PCDHB11: variants seen among roughly 807,000 people sequenced by gnomAD.
PCDHB11 encodes the protein protocadherin beta 11.
For synonymous variants in PCDHB11, 522 were observed against 442.0 expected, an observed-to-expected ratio of 1.18 and a Z score of -2.27; for missense variants, 1,151 against 1,003.4, an observed-to-expected ratio of 1.15 and a Z score of -1.99.
Position 141,200,421 on chromosome 5 carries a change from A to T in PCDHB11, c.647A>T (p.Asp216Val). 1 of 1,614,096 alleles carries T rather than the reference A, an allele frequency of 6.2e-7. No homozygotes were observed. The highest frequency in any genetic ancestry group is 8.5e-7 in the Non-Finnish European group (1 of 1,180,008). Residue 216 changes from aspartate (D) to valine (V), a missense_variant, in exon 1 of 1, where the codon GAT becomes GTT. By Grantham distance (152) the Asp-to-Val change is radical (BLOSUM62 -3). Coordinates refer to ENST00000354757, the MANE Select transcript of PCDHB11 (RefSeq NM_018931.3). ...CTCAGTTTCATCCTCTCTGCTCTGG[A>T]TGGTGGGTCCCCTCCCAGGTCTGGA... is the stretch of plus-strand genomic sequence containing the variant. ...PELSFILSAL[D>V]GGSPPRSGTA...
At position 141,199,726 on chromosome 5, in the gene PCDHB11, G is replaced by C; in HGVS notation, c.-49G>C. On this transcript the variant is annotated 5_prime_UTR_variant, in exon 1 of 1. Transcript: ENST00000354757. ...GATTTGGTGGACAAGTCAGAGACGC[G>C]TTCCGCAGAGCTGAAGCCTTTCTTC... 1 of 1,537,654 alleles carries C rather than the reference G, an allele frequency of 6.5e-7. No homozygotes were observed. The highest frequency in any genetic ancestry group is 8.9e-7 in the Non-Finnish European group (1 of 1,126,626).
chr5:141,200,094 A>G lies in PCDHB11; in HGVS notation c.320A>G (p.Gln107Arg). The G allele has an allele frequency of 6.2e-7, 1 of 1,614,200 alleles. No individual in the cohort carries two copies. Among genetic ancestry groups the G allele is most frequent in the South Asian group, 1.1e-5 (1 of 91,074 alleles). Residue 107 changes from glutamine (Q) to arginine (R), a missense_variant, in exon 1 of 1, where the codon CAG becomes CGG. Gln to Arg is a conservative substitution (Grantham distance 43). Transcript: ENST00000354757. ...GSIEPCVLHL[Q>R]VLMQNPTQFL... Reference sequence around the variant, plus strand: ...ATCGAGCCTTGCGTGCTACATTTGCAGGTGTTAATGCAAAACCCCACGCAG... The same window carrying G: ...ATCGAGCCTTGCGTGCTACATTTGCGGGTGTTAATGCAAAACCCCACGCAG...
rs1554285507 is a variant in PCDHB11 at position 141,201,140 on chromosome 5, T to C, written c.1366T>C (p.Tyr456His). ...CGCCCCCACCTTCACCCAAACCTCCTACACCCTGTTCGTCCGCGAGAACAA... is the reference window on the plus strand; with the variant it reads ...CGCCCCCACCTTCACCCAAACCTCCCACACCCTGTTCGTCCGCGAGAACAA... ...DNAPTFTQTS[Y>H]TLFVRENNSP... Residue 456 changes from tyrosine to histidine, a missense_variant, in exon 1 of 1, where the codon TAC becomes CAC. Tyr to His is a moderately conservative substitution (Grantham distance 83). Coordinates refer to ENST00000354757, the MANE Select transcript of PCDHB11 (RefSeq NM_018931.3). 2 of 1,613,884 alleles carry C rather than the reference T, an allele frequency of 1.2e-6. No individual in the cohort carries two copies. Among genetic ancestry groups the C allele is most frequent in the African/African-American group, 2.7e-5 (2 of 75,016 alleles).
chr5:141,200,720 T>C lies in PCDHB11; in HGVS notation c.946T>C (p.Ser316Pro), dbSNP rs782570614. ...PLDFETIESY[S>P]IIIQATDGGG... ...GGATTTTGAAACGATTGAGTCATACTCAATAATCATTCAAGCCACAGATGG... is the reference window on the plus strand; with the variant it reads ...GGATTTTGAAACGATTGAGTCATACCCAATAATCATTCAAGCCACAGATGG... The change falls in exon 1 of 1, where the codon TCA becomes CCA. Residue 316 changes from serine to proline, a missense_variant. Ser to Pro is a moderately conservative substitution (Grantham distance 74, BLOSUM62 -1). Coordinates refer to ENST00000354757, the MANE Select transcript of PCDHB11 (RefSeq NM_018931.3). The C allele has an allele frequency of 6.2e-7, 1 of 1,614,150 alleles. No homozygotes were observed. Among genetic ancestry groups the C allele is most frequent in the Non-Finnish European group, 8.5e-7 (1 of 1,180,024 alleles).
At position 141,202,322 on chromosome 5, in the gene PCDHB11, CCG is replaced by C; in HGVS notation, c.*155_*156del. On this transcript the variant is annotated 3_prime_UTR_variant, in exon 1 of 1. Transcript: ENST00000354757. The stretch of plus-strand genomic sequence containing the variant: ...CCCAATTTTTTTTTTTTTTTTGAGA[CCG>C]AGTCTCATTCTGTCGCCCTGGCTGG... 1 of 672,280 alleles carries C rather than the reference CCG, an allele frequency of 1.5e-6. No homozygotes were observed. Among genetic ancestry groups the C allele is most frequent in the Non-Finnish European group, 2.3e-6 (1 of 425,952 alleles). 41.6% of individuals were successfully genotyped at this position (672,280 alleles called of 1,614,324 possible).
Position 141,200,202 on chromosome 5 carries a change from C to T in PCDHB11, c.428C>T (p.Pro143Leu), listed in dbSNP as rs781956723. Reference protein sequence around the residue: ...FSEKQMLLEIPENSPVGAVFL... With the variant: ...FSEKQMLLEILENSPVGAVFL... ...GAAAAACAAATGCTCCTAGAAATCC[C>T]AGAGAACAGTCCCGTTGGTGCTGTG... Residue 143 changes from proline to leucine, a missense_variant, in exon 1 of 1, where the codon CCA (proline) becomes CTA (leucine). Pro to Leu is a moderately conservative substitution (Grantham distance 98). Coordinates refer to ENST00000354757, the MANE Select transcript of PCDHB11 (RefSeq NM_018931.3). 2.1e-5 allele frequency: 34 copies of T among 1,614,020 alleles called. No homozygotes were observed. In the Admixed American group the frequency reaches 5.3e-4, roughly 25 times the overall value.
Position 141,201,528 on chromosome 5 carries a change from T to C in PCDHB11, c.1754T>C (p.Leu585Pro), listed in dbSNP as rs782049790. 3.1e-6 allele frequency: 5 copies of C among 1,609,024 alleles called. No individual in the cohort carries two copies. In the South Asian group the frequency reaches 5.5e-5, roughly 18 times the overall value. The change falls in exon 1 of 1, where the codon CTG (leucine) becomes CCG (proline). Residue 585 changes from leucine (L) to proline (P), a missense_variant. Coordinates refer to ENST00000354757, the MANE Select transcript of PCDHB11 (RefSeq NM_018931.3). Reference protein sequence around the residue: ...LVPRAAEPGYLVTKVVAVDGD... With the variant: ...LVPRAAEPGYPVTKVVAVDGD... ...CCCCGGGCGGCCGAGCCGGGCTACC[T>C]GGTGACCAAGGTGGTGGCGGTGGAC...
rs1250849567 is a variant in PCDHB11 at position 141,203,393 on chromosome 5, T to G, written c.*1225T>G. The G allele has an allele frequency of 6.6e-6, 1 of 152,232 alleles. No individual in the cohort carries two copies. The highest frequency in any genetic ancestry group is 1.5e-5 in the Non-Finnish European group (1 of 68,062). 9.4% of individuals were successfully genotyped at this position (152,232 alleles called of 1,614,324 possible). The stretch of plus-strand genomic sequence containing the variant: ...CCGTGCCCAGGCTCCCCTAGTATTT[T>G]TCACTGTCTGCATCCTATGATCCTA... On this transcript the variant is annotated 3_prime_UTR_variant, in exon 1 of 1. Coordinates refer to ENST00000354757, the MANE Select transcript of PCDHB11 (RefSeq NM_018931.3).
rs1554285284 is a variant in PCDHB11 at position 141,200,447 on chromosome 5, A to G, written c.673A>G (p.Thr225Ala). Residue 225 changes from threonine to alanine, a missense_variant, in exon 1 of 1, where the codon ACT (threonine) becomes GCT (alanine). By Grantham distance (58) the Thr-to-Ala change is moderately conservative. Transcript: ENST00000354757. ...LDGGSPPRSG[T>A]ALVRVVVVDI... is the part of the protein sequence containing the mutation. ...TGGTGGGTCCCCTCCCAGGTCTGGA[A>G]CTGCCTTGGTCAGGGTGGTGGTTGT... The G allele has an allele frequency of 6.2e-7, 1 of 1,614,082 alleles. No homozygotes were observed. Among genetic ancestry groups the G allele is most frequent in the Non-Finnish European group, 8.5e-7 (1 of 1,180,006 alleles).
In PCDHB11 at chr5:141,200,977, C is replaced by T; in HGVS notation, c.1203C>T (p.Tyr401=). The change falls in exon 1 of 1, where the codon TAC becomes TAT. Residue 401 remains tyrosine, a synonymous_variant. Coordinates refer to ENST00000354757, the MANE Select transcript of PCDHB11 (RefSeq NM_018931.3). The part of the protein sequence containing the change: ...FVLKSSVENY[Y]TLETERPLDR... The stretch of plus-strand genomic sequence containing the variant: ...TAAAATCTTCAGTTGAGAATTACTA[C>T]ACGTTGGAAACAGAGAGACCACTGG... The T allele has an allele frequency of 2.5e-6, 4 of 1,614,192 alleles. No individual in the cohort carries two copies. Among genetic ancestry groups the T allele is most frequent in the Non-Finnish European group, 3.4e-6 (4 of 1,180,052 alleles).
rs916108529 is a variant in PCDHB11 at position 141,202,716 on chromosome 5, G to C, written c.*548G>C. 1 of 152,058 alleles carries C rather than the reference G, an allele frequency of 6.6e-6. No individual in the cohort carries two copies. Among genetic ancestry groups the C allele is most frequent in the African/African-American group, 2.4e-5 (1 of 41,308 alleles). The allele number at this position is 152,058 out of a possible 1,614,324, so 9.4% of individuals were successfully genotyped here. A position where few individuals can be genotyped will look rare whatever the true frequency, so the allele number is the denominator to read the frequency against. Reference sequence around the variant, plus strand: ...CAACCTCTGCCTCCTGGGCTCAAGAGACCAGCCCACCTCCGCCTCCAAGTA... The same window carrying C: ...CAACCTCTGCCTCCTGGGCTCAAGACACCAGCCCACCTCCGCCTCCAAGTA... On this transcript the variant is annotated 3_prime_UTR_variant, in exon 1 of 1. Coordinates refer to ENST00000354757, the MANE Select transcript of PCDHB11 (RefSeq NM_018931.3).
Position 141,201,904 on chromosome 5 carries a change from G to A in PCDHB11, c.2130G>A (p.Ala710=), listed in dbSNP as rs139968729. The change falls in exon 1 of 1, where the codon GCG becomes GCA. Residue 710 remains alanine, a synonymous_variant. Coordinates refer to ENST00000354757, the MANE Select transcript of PCDHB11 (RefSeq NM_018931.3). The stretch of plus-strand genomic sequence containing the variant: ...TCTTCTCGGTGCTCCTGTTCGTGGC[G>A]GTGCGGCTGTGCAGGAGGAGCAGGG... ...LFLFSVLLFV[A]VRLCRRSRAA... 3.0e-4 allele frequency: 479 copies of A among 1,612,640 alleles called. No homozygotes were observed. Among genetic ancestry groups the A allele is most frequent in the Admixed American group, 4.8e-4 (29 of 60,000 alleles).
In PCDHB11 at chr5:141,200,670, G is replaced by C. The variant is rs1248774924; in HGVS notation, c.896G>C (p.Gly299Ala). Residue 299 changes from glycine (G) to alanine (A), a missense_variant, in exon 1 of 1, where the codon GGA (glycine) becomes GCA (alanine). By Grantham distance (60) the Gly-to-Ala change is moderately conservative (BLOSUM62 0). Transcript: ENST00000354757. Reference sequence around the variant, plus strand: ...ACATTTGAAATTAATCAAAAGTCTGGAGAAATTACTTTAAGAGCACCTCTG... The same window carrying C: ...ACATTTGAAATTAATCAAAAGTCTGCAGAAATTACTTTAAGAGCACCTCTG... ...RKTFEINQKSGEITLRAPLDF... is the reference protein window; with the variant it reads ...RKTFEINQKSAEITLRAPLDF... 1 of 1,614,048 alleles carries C rather than the reference G, an allele frequency of 6.2e-7. No homozygotes were observed. Among genetic ancestry groups the C allele is most frequent in the Non-Finnish European group, 8.5e-7 (1 of 1,180,054 alleles).
At position 141,201,233 on chromosome 5, in the gene PCDHB11, A is replaced by G; in HGVS notation, c.1459A>G (p.Asn487Asp). The G allele has an allele frequency of 1.2e-6, 2 of 1,613,204 alleles. No individual in the cohort carries two copies. The highest frequency in any genetic ancestry group is 2.2e-5 in the South Asian group (2 of 91,032). ...AGACTCAGGCACCAACGCCCAGGTC[A>G]ACTACTCGCTACTCCCGCCCCAGGA... ...DRDSGTNAQV[N>D]YSLLPPQDLH... Residue 487 changes from asparagine (N) to aspartate (D), a missense_variant, in exon 1 of 1, where the codon AAC becomes GAC. Transcript: ENST00000354757.
chr5:141,201,510 C>T lies in PCDHB11; in HGVS notation c.1736C>T (p.Ala579Val). Residue 579 changes from alanine to valine, a missense_variant, in exon 1 of 1, where the codon GCG becomes GTG. Coordinates refer to ENST00000354757, the MANE Select transcript of PCDHB11 (RefSeq NM_018931.3). ...SAPCTELVPR[A>V]AEPGYLVTKV... ...CCCTGCACCGAGCTGGTGCCCCGGG[C>T]GGCCGAGCCGGGCTACCTGGTGACC... 1.2e-6 allele frequency: 2 copies of T among 1,608,650 alleles called. No homozygotes were observed. Among genetic ancestry groups the T allele is most frequent in the Non-Finnish European group, 1.7e-6 (2 of 1,178,794 alleles).
chr5:141,200,086 A>T lies in PCDHB11; in HGVS notation c.312A>T (p.Leu104=). ...GCGGTTCCATCGAGCCTTGCGTGCTACATTTGCAGGTGTTAATGCAAAACC... is the reference window on the plus strand; with the variant it reads ...GCGGTTCCATCGAGCCTTGCGTGCTTCATTTGCAGGTGTTAATGCAAAACC... ...ELCGSIEPCV[L]HLQVLMQNPT... Residue 104 remains leucine (L), a synonymous_variant, in exon 1 of 1, where the codon CTA becomes CTT. Coordinates refer to ENST00000354757, the MANE Select transcript of PCDHB11 (RefSeq NM_018931.3). 1 of 1,614,184 alleles carries T rather than the reference A, an allele frequency of 6.2e-7. No individual in the cohort carries two copies. Among genetic ancestry groups the T allele is most frequent in the Non-Finnish European group, 8.5e-7 (1 of 1,180,040 alleles).
rs1247787633 is a variant in PCDHB11 at position 141,201,947 on chromosome 5, T to C, written c.2173T>C (p.Cys725Arg). 2.5e-6 allele frequency: 4 copies of C among 1,613,938 alleles called. No individual in the cohort carries two copies. The highest frequency in any genetic ancestry group is 1.3e-5 in the African/African-American group (1 of 74,904). The change falls in exon 1 of 1, where the codon TGC becomes CGC. Residue 725 changes from cysteine (C) to arginine (R), a missense_variant. By Grantham distance (180) the Cys-to-Arg change is radical. Transcript: ENST00000354757. Reference protein sequence around the residue: ...RRSRAASVGSCSVPKGPFPGH... With the variant: ...RRSRAASVGSRSVPKGPFPGH... ...GAGCAGGGCGGCCTCGGTGGGAAGC[T>C]GCTCGGTGCCTAAGGGCCCCTTTCC...
In PCDHB11 at chr5:141,202,301, AT is replaced by A. The variant is rs72116873; in HGVS notation, c.*149del. 0.29 allele frequency: 191,663 copies of A among 660,296 alleles called. 4,515 individuals are homozygous for A. The highest frequency in any genetic ancestry group is 0.42 in the East Asian group (12,114 of 29,000). The allele number at this position is 660,296 out of a possible 1,614,324, so 40.9% of individuals were successfully genotyped here. On this transcript the variant is annotated 3_prime_UTR_variant, in exon 1 of 1. Transcript: ENST00000354757. Reference sequence around the variant, plus strand: ...TTTTAATTTTTTCTTTTCTCCCCCAATTTTTTTTTTTTTTTTGAGACCGAGT... The same window carrying A: ...TTTTAATTTTTTCTTTTCTCCCCCAATTTTTTTTTTTTTTTGAGACCGAGT...
Position 141,201,254 on chromosome 5 carries a change from C to T in PCDHB11, c.1480C>T (p.Gln494Ter), listed in dbSNP as rs782744497. ...AQVNYSLLPP[Q>*]DLHLPLASLV... is the part of the protein sequence containing the mutation. ...GGTCAACTACTCGCTACTCCCGCCC[C>T]AGGACCTGCACCTGCCCCTCGCCTC... The change falls in exon 1 of 1, where the codon CAG becomes TAG. Residue 494 changes from glutamine (Q) to a stop codon, truncating the protein, a stop_gained. Transcript: ENST00000354757. LOFTEE classifies it low-confidence loss of function (END_TRUNC). 1.2e-6 allele frequency: 2 copies of T among 1,613,396 alleles called. No individual in the cohort carries two copies. Among genetic ancestry groups the T allele is most frequent in the Non-Finnish European group, 8.5e-7 (1 of 1,180,046 alleles).
Sources: allele counts gnomAD v4.1 joint callset, GRCh38; gene constraint gnomAD v4.1.1; transcripts MANE v1.5; gene names NCBI Gene and HGNC (gene_info 2026-07-23, HGNC 2026-07-21).